PHLDB2: variants seen among roughly 807,000 people sequenced by gnomAD.
The protein encoded by PHLDB2 is pleckstrin homology-like domain family B member 2.
A neutral mutation model predicts 123.6 loss-of-function variants in PHLDB2; 71 were observed. The ratio of observed to expected loss-of-function variants is 0.57; its 90% CI spans 0.47 to 0.70. The LOEUF (loss-of-function observed/expected upper bound fraction) is 0.70. Among genes scored for constraint, PHLDB2 ranks in the 30% least tolerant of loss-of-function variants. The pLI is 0.00. For synonymous variants in PHLDB2, 547 were observed against 541.6 expected, an observed-to-expected ratio of 1.01 and a Z score of -0.14; for missense variants, 1,446 against 1,519.5, an observed-to-expected ratio of 0.95 and a Z score of 0.80.
rs1160149224 is a variant in PHLDB2, at chr3:111,853,300, A to C, written c.67+7365A>C. 7.9e-5 allele frequency among the ~76,000 whole-genome samples: 12 copies of C among 152,330 alleles called. 1 individual carries two copies. The East Asian group carries it at 2.3e-3, about 29-fold the overall frequency. On this transcript the variant is annotated intron_variant, in intron 2 of 17. Coordinates refer to the PHLDB2 transcript ENST00000393923. ...AACAGTGGGTTACATAGTTTCCCTT[A>C]ACAACAGTTGCAGATCCAATGTGAA...
intron 2 of PHLDB2, among the ~76,000 whole-genome samples, chr3:111,903,856 A>G (rs999309149): frequency 3.3e-5 from 5 of 152,210 alleles, no homozygotes; most frequent in Non-Finnish European, 7.3e-5. Context: ...TTTATAGACC[A>G]TGTAATTGAG....
At chr3:111,778,154 C>T (rs1460177757) in intron 1 of PHLDB2, 1 of 151,896 alleles carries the variant, frequency 6.6e-6, no homozygotes, top group Non-Finnish European at 1.5e-5. Flanking sequence ...GAGTCATAAC[C>T]ACCAAGACGT....
At chr3:111,760,600 CATCTT>C (rs1353295336) in intron 1 of PHLDB2, among the ~76,000 whole-genome samples, 1 of 152,002 alleles carries the variant, frequency 6.6e-6, no homozygotes, top group Non-Finnish European at 1.5e-5. Context: ...CTGCGGGACT[CATCTT>C]ACTCTGGCTT....
intron 2 of PHLDB2, among the ~76,000 whole-genome samples, chr3:111,849,703 A>C (rs1377972846): frequency 6.6e-6 from 1 of 152,204 alleles, no homozygotes; most frequent in Non-Finnish European, 1.5e-5. Context: ...ATTTTATAGC[A>C]GTGCAGTTCA....
chr3:111,745,727 C>T (rs2059669407), intron 1 of PHLDB2, among the ~76,000 whole-genome samples: 1 of 151,462 alleles, frequency 6.6e-6, no homozygotes, highest in African/African-American at 2.4e-5. Flanking sequence ...ACACCACTGC[C>T]CTCCGGCCTG....
intron 1 of PHLDB2, among the ~76,000 whole-genome samples, chr3:111,787,989 G>T (rs2060763807): frequency 6.6e-6 from 1 of 152,128 alleles, no homozygotes. Context: ...CCTCCAGTCT[G>T]GCAAAGACTG....
chr3:111,886,991 A>G (rs2066204315), intron 2 of PHLDB2, among the ~76,000 whole-genome samples: 1 of 152,264 alleles, frequency 6.6e-6, no homozygotes, highest in African/African-American at 2.4e-5. Flanking sequence ...TAACTTATCA[A>G]GAAATCTGGG....
chr3:111,767,617 A>G (rs2060104788), intron 1 of PHLDB2, among the ~76,000 whole-genome samples: 1 of 152,224 alleles, frequency 6.6e-6, no homozygotes, highest in Non-Finnish European at 1.5e-5. Context: ...ACATTTAGCT[A>G]TGAAATTAAA....
At chr3:111,832,302 T>G (rs1482803658) in intron 1 of PHLDB2, among the ~76,000 whole-genome samples, 2 of 152,130 alleles carry the variant, frequency 1.3e-5, no homozygotes, top group African/African-American at 4.8e-5. Flanking sequence ...TCTTTTCAAC[T>G]TTACTGCTTC....
At chr3:111,968,250 G>A (rs1283522145) in intron 15 of PHLDB2, among the ~76,000 whole-genome samples, 1 of 152,156 alleles carries the variant, frequency 6.6e-6, no homozygotes, top group Non-Finnish European at 1.5e-5. Context: ...TCTTTTACAA[G>A]CAAACAGTCT....
chr3:111,816,001 G>A (rs972723967), intron 1 of PHLDB2, among the ~76,000 whole-genome samples: 4 of 152,208 alleles, frequency 2.6e-5, no homozygotes, highest in Non-Finnish European at 4.4e-5. Flanking sequence ...TTCAGAGGGT[G>A]TAAGCCCCAA....
intron 9 of PHLDB2, among the ~76,000 whole-genome samples, chr3:111,947,098 A>G (rs2070360909): frequency 6.6e-6 from 1 of 152,150 alleles, no homozygotes; most frequent in Non-Finnish European, 1.5e-5. Context: ...AGATAGGGAA[A>G]ACTGGGGAAG....
intron 8 of PHLDB2, among the ~76,000 whole-genome samples, chr3:111,941,089 A>C (rs765104385): frequency 5.3e-5 from 8 of 152,302 alleles, no homozygotes; most frequent in Admixed American, 1.3e-4. Flanking sequence ...TTTCTAGCAA[A>C]TGTCACATTG....
chr3:111,781,905 G>A (rs1330104238), intron 1 of PHLDB2, among the ~76,000 whole-genome samples: 2 of 152,010 alleles, frequency 1.3e-5, no homozygotes, highest in Non-Finnish European at 2.9e-5. Context: ...ATGATGAGAT[G>A]GCAGCTGTAA....
chr3:111,855,629 CTTTTTTTTT>C (rs11368889), upstream of PHLDB2, among the ~76,000 whole-genome samples: 16 of 79,834 alleles, frequency 2.0e-4, no homozygotes, highest in East Asian at 3.6e-4. Context: ...CTGCATTTGT[CTTTTTTTTT>C]TTTTTTTTTT....
chr3:111,789,726 G>C (rs1183078855), intron 1 of PHLDB2, among the ~76,000 whole-genome samples: 1 of 151,162 alleles, frequency 6.6e-6, no homozygotes, highest in Non-Finnish European at 1.5e-5. Context: ...AGTTCATATG[G>C]TGTCTAACCC....
At chr3:111,954,520 T>C (rs1011351988) in intron 12 of PHLDB2, among the ~76,000 whole-genome samples, 4 of 152,240 alleles carry the variant, frequency 2.6e-5, no homozygotes, top group Non-Finnish European at 5.9e-5. Flanking sequence ...ATAGTTGTTA[T>C]GTTTCAGGTA....
intron 1 of PHLDB2, among the ~76,000 whole-genome samples, chr3:111,832,560 T>TTA (rs1418531842): frequency 1.4e-5 from 2 of 146,886 alleles, no homozygotes; most frequent in Non-Finnish European, 3.0e-5. Flanking sequence ...TCATATGGCA[T>TTA]TATATATATA....
chr3:111,781,800 G>GT (rs959421833), intron 1 of PHLDB2, among the ~76,000 whole-genome samples: 7 of 152,130 alleles, frequency 4.6e-5, no homozygotes, highest in Non-Finnish European at 1.0e-4. Context: ...GGGGAAAGGT[G>GT]TTTTTTAATC....
Sources: gnomAD v4.1 joint callset for allele counts (sites outside exome capture counted in the v4.1 genomes callset) on GRCh38, gnomAD v4.1.1 for gene constraint, MANE v1.5 for transcripts, NCBI Gene and HGNC (gene_info 2026-07-23, HGNC 2026-07-21) for gene names.